Variants in RTN3 observed in about 807,000 individuals in gnomAD.
RTN3 encodes the protein reticulon 3.
RTN3 carries 49 observed loss-of-function variants against 77.8 expected under a neutral mutation model. The observed-to-expected ratio is 0.63, with a 90% CI of 0.50 to 0.80. The LOEUF (loss-of-function observed/expected upper bound fraction) is 0.80, where lower values mean the gene tolerates loss of function less well. RTN3 is among the 30% of genes least tolerant of loss of function. RTN3 has a pLI of 0.00. For synonymous variants in RTN3, 464 were observed against 446.9 expected (o/e 1.04, Z -0.48); for missense variants, 1,236 against 1,211.9 (o/e 1.02, Z -0.29).
chr11:63,688,223 C>CTTTTT (rs34253380), intron 1 of RTN3, among the ~76,000 whole-genome samples: 3 of 130,268 alleles, frequency 2.3e-5, no homozygotes, highest in Non-Finnish European at 3.2e-5. Flanking sequence ...GTGTGTTTTG[C>CTTTTT]TTTTTTTTTT....
intron 3 of RTN3, among the ~76,000 whole-genome samples, chr11:63,731,162 C>A (rs907655562): frequency 6.6e-6 from 1 of 151,974 alleles, no homozygotes; most frequent in Non-Finnish European, 1.5e-5. Flanking sequence ...CTCACTGCAA[C>A]CTCTGCCTCC....
chr11:63,685,495 C>A (rs368346555), intron 1 of RTN3, among the ~76,000 whole-genome samples: 32 of 115,652 alleles, frequency 2.8e-4, no homozygotes, highest in East Asian at 4.2e-4. Flanking sequence ...GACTCCATCT[C>A]AAAAAAAAAA....
At chr11:63,756,524 T>C (rs2014389578) in intron 8 of RTN3, among the ~76,000 whole-genome samples, 1 of 151,580 alleles carries the variant, frequency 6.6e-6, no homozygotes, top group East Asian at 1.9e-4. Flanking sequence ...GAATAAAAAA[T>C]TAGCTGTGCA....
At chr11:63,734,633 G>A (rs763541629) in intron 3 of RTN3, among the ~76,000 whole-genome samples, 1 of 152,016 alleles carries the variant, frequency 6.6e-6, no homozygotes, top group Non-Finnish European at 1.5e-5. Context: ...TCAGGAGGCT[G>A]AGGCAGGAGA....
At chr11:63,715,340 A>G (rs2011329089) in intron 2 of RTN3, among the ~76,000 whole-genome samples, 1 of 152,162 alleles carries the variant, frequency 6.6e-6, no homozygotes, top group African/African-American at 2.4e-5. Context: ...GATCTGAATC[A>G]TCTGAAATCT....
chr11:63,724,327 C>T (rs192537428), intron 3 of RTN3, among the ~76,000 whole-genome samples: 15 of 142,444 alleles, frequency 1.1e-4, no homozygotes, highest in South Asian at 2.3e-4. Context: ...GGATTACGGG[C>T]GCCTGCTACC....
At chr11:63,692,752 C>T (rs967375838) in intron 1 of RTN3, among the ~76,000 whole-genome samples, 1 of 150,880 alleles carries the variant, frequency 6.6e-6, no homozygotes, top group Admixed American at 6.6e-5. Context: ...CAGAGCGAGA[C>T]TCCGTCTCAA....
chr11:63,711,154 C>T (rs1435592958), intron 2 of RTN3, among the ~76,000 whole-genome samples: 1 of 151,972 alleles, frequency 6.6e-6, no homozygotes, highest in Non-Finnish European at 1.5e-5. Context: ...GTGGTGCACG[C>T]TTCTAGTCCC....
rs774313465 is a variant in RTN3, at chr11:63,758,257, G to A, written c.*56G>A. 4.3e-6 allele frequency: 7 copies of A among 1,613,408 alleles called. No individual in the cohort carries two copies. The highest frequency in any genetic ancestry group is 1.1e-5 in the South Asian group (1 of 90,920). ...TAAAACACCATTTAATAGTTATAACGTCGTTACTTGTACTATGAAGGAAAA... is the reference window on the plus strand; with the variant it reads ...TAAAACACCATTTAATAGTTATAACATCGTTACTTGTACTATGAAGGAAAA... On this transcript the variant is annotated 3_prime_UTR_variant, in exon 9 of 9. Transcript: ENST00000377819.
intron 3 of RTN3, among the ~76,000 whole-genome samples, chr11:63,748,214 CAG>C (rs1033112341): frequency 3.3e-4 from 50 of 150,592 alleles, no homozygotes; most frequent in African/African-American, 1.0e-3. Context: ...ACCTGCCACT[CAG>C]AGAGTTGGAG....
intron 1 of RTN3, among the ~76,000 whole-genome samples, chr11:63,701,607 C>T (rs149507858): frequency 4.7e-4 from 71 of 152,096 alleles, no homozygotes; most frequent in African/African-American, 1.7e-3. Context: ...GGGGCACAGG[C>T]ATGTCACATG....
At chr11:63,682,851 A>C (rs764212063) in intron 1 of RTN3, among the ~76,000 whole-genome samples, 25 of 152,070 alleles carry the variant, frequency 1.6e-4, no homozygotes, top group Non-Finnish European at 2.4e-4. Context: ...GGAAAAAAAA[A>C]CCACCATGGG....
intron 3 of RTN3, among the ~76,000 whole-genome samples, chr11:63,727,508 T>TA (rs1423609279): frequency 6.6e-6 from 1 of 152,112 alleles, no homozygotes; most frequent in Admixed American, 6.6e-5. Context: ...TCTAGAACTG[T>TA]AAAATATAAC....
Position 63,759,156 on chromosome 11 carries a change from G to C in RTN3, c.*955G>C, listed in dbSNP as rs532616195. ...GTTTTTGTGATCCTATCTCAGTCTG[G>C]GGGGGAACATTCTCAAGAGGTGAAA... On this transcript the variant is annotated 3_prime_UTR_variant, in exon 9 of 9. Transcript: ENST00000377819. 1.2e-4 allele frequency: 19 copies of C among 152,280 alleles called. No individual in the cohort carries two copies. The South Asian group carries it at 3.7e-3, about 30-fold the overall frequency. 9.4% of individuals were successfully genotyped at this position (152,280 alleles called of 1,614,324 possible). A position where few individuals can be genotyped will look rare whatever the true frequency, so the allele number is the denominator to read the frequency against.
At chr11:63,745,243 A>G (rs1364410624) in intron 3 of RTN3, among the ~76,000 whole-genome samples, 1 of 152,204 alleles carries the variant, frequency 6.6e-6, no homozygotes, top group African/African-American at 2.4e-5. Flanking sequence ...TGTGGTCAAT[A>G]GAGTCATGTG....
At position 63,719,070 on chromosome 11, in the gene RTN3, G is replaced by A. The variant is rs1469182054; in HGVS notation, c.568G>A (p.Val190Ile). The A allele has an allele frequency of 6.2e-7, 1 of 1,614,162 alleles. No homozygotes were observed. The highest frequency in any genetic ancestry group is 8.5e-7 in the Non-Finnish European group (1 of 1,180,018). Residue 190 changes from valine to isoleucine, a missense_variant, in exon 3 of 9, where the codon GTA becomes ATA. By Grantham distance (29) the Val-to-Ile change is conservative (BLOSUM62 3). This residue lies in a region of RTN3 where 1,056 missense variants were observed against 990.4 expected (regional missense o/e 1.07). Transcript: ENST00000377819. ...TAAAGAGACCAAGAACCCAAATGGGGTATCAAGTAGGGAGGCTAAAACTGC... is the reference window on the plus strand; with the variant it reads ...TAAAGAGACCAAGAACCCAAATGGGATATCAAGTAGGGAGGCTAAAACTGC... ...IDKETKNPNGVSSREAKTALD... is the reference protein window; with the variant it reads ...IDKETKNPNGISSREAKTALD...
At position 63,711,601 on chromosome 11, in the gene RTN3, G is replaced by C. The variant is rs370201008; in HGVS notation, c.199+6694G>C. On this transcript the variant is annotated intron_variant, in intron 2 of 8. Transcript: ENST00000377819. ...TTTTTGAGACGGAGTTTTCGTTCTT[G>C]TTGCCCAGGCTGGAATGCAATGGCG... Among the ~76,000 whole-genome samples the C allele has an allele frequency of 3.0e-4, 45 of 152,128 alleles. No homozygotes were observed. The East Asian group carries it at 3.7e-3, about 12-fold the overall frequency.
intron 3 of RTN3, among the ~76,000 whole-genome samples, chr11:63,738,651 AAGGTAAAGCTGAC>A (rs2013287027): frequency 6.9e-6 from 1 of 144,026 alleles, no homozygotes; most frequent in Non-Finnish European, 1.5e-5. Flanking sequence ...AAAAAAAAAG[AAGGTAAAGCTGAC>A]AGACTACTAA....
chr11:63,742,695 CA>C (rs1351827800), intron 3 of RTN3, among the ~76,000 whole-genome samples: 1 of 152,030 alleles, frequency 6.6e-6, no homozygotes, highest in East Asian at 1.9e-4. Flanking sequence ...AATTATAGGT[CA>C]ATTTGGGGAT....
Sources: gnomAD v4.1 joint callset for allele counts (sites outside exome capture counted in the v4.1 genomes callset) on GRCh38, gnomAD v4.1.1 for gene constraint, gnomAD v4.1.1 regional missense constraint, MANE v1.5 for transcripts, NCBI Gene and HGNC (gene_info 2026-07-23, HGNC 2026-07-21) for gene names.